Variants in NUP188 observed in about 807,000 individuals in gnomAD.
The protein encoded by NUP188 is nucleoporin 188.
A neutral mutation model predicts 223.0 loss-of-function variants in NUP188; 97 were observed. That is an observed-to-expected ratio of 0.43 (90% CI 0.37 to 0.51). NUP188 has a LOEUF of 0.51. NUP188 is among the 20% of genes least tolerant of loss of function. The probability of loss-of-function intolerance (pLI) is 0.00; values close to 1 mark genes in which losing one functional copy is unlikely to be tolerated. For synonymous variants in NUP188, 869 were observed against 828.0 expected, an observed-to-expected ratio of 1.05 and a Z score of -0.85; for missense variants, 1,947 against 2,175.6, an observed-to-expected ratio of 0.89 and a Z score of 2.09.
At position 128,990,337 on chromosome 9, in the gene NUP188, T is replaced by G. The variant is rs1842398626; in HGVS notation, c.2640+111T>G. The G allele has an allele frequency of 3.3e-5, 29 of 871,848 alleles. 1 individual carries two copies. The South Asian group carries it at 3.9e-4, about 12-fold the overall frequency. 54.0% of individuals were successfully genotyped at this position (871,848 alleles called of 1,614,324 possible). A position where few individuals can be genotyped will look rare whatever the true frequency, so the allele number is the denominator to read the frequency against. On this transcript the variant is annotated intron_variant, in intron 25 of 43. Coordinates refer to ENST00000372577, the MANE Select transcript of NUP188 (RefSeq NM_015354.3). ...CAGCGGCTTAACGCCTGTATATAAT[T>G]CCAGCACTTTGGGAGGCCAAGGTGG... is the stretch of plus-strand genomic sequence containing the variant.
In NUP188 at chr9:128,983,132, G is replaced by A. The variant is rs906702453; in HGVS notation, c.1796+104G>A. ...ACATACCCACTGGGTTAAAGTTCGC[G>A]CATATTCCTTGGTTTTCCTGTTTTT... On this transcript the variant is annotated intron_variant, in intron 17 of 43. Coordinates refer to ENST00000372577, the MANE Select transcript of NUP188 (RefSeq NM_015354.3). 14 of 1,500,866 alleles carry A rather than the reference G, an allele frequency of 9.3e-6. No individual in the cohort carries two copies. In the African/African-American group the frequency reaches 9.7e-5, roughly 10 times the overall value. The allele number at this position is 1,500,866 out of a possible 1,614,324, so 93.0% of individuals were successfully genotyped here.
At position 128,963,561 on chromosome 9, in the gene NUP188, T is replaced by C. The variant is rs1841984289; in HGVS notation, c.585+4427T>C. Among the ~76,000 whole-genome samples the C allele has an allele frequency of 2.0e-5, 3 of 152,164 alleles. No individual in the cohort carries two copies. In the South Asian group the frequency reaches 6.2e-4, roughly 31 times the overall value. On this transcript the variant is annotated intron_variant, in intron 8 of 43. Transcript: ENST00000372577. ...TGTTTATCCATAGTGGCTATACCGT[T>C]TTGCATTCCCACCAGAAATGTATGA... is the stretch of plus-strand genomic sequence containing the variant.
intron 39 of NUP188, 37 bp from the exon 40 acceptor site, chr9:129,005,266 T>C: frequency 6.2e-7 from 1 of 1,613,222 alleles, no homozygotes; most frequent in Non-Finnish European, 8.5e-7. Flanking sequence ...TCACGCTAGC[T>C]TCCCAAGCTC....
At chr9:128,982,845 T>A (rs534159252) in intron 16 of NUP188, 57 bp from the exon 17 acceptor site, 1 of 1,608,846 alleles carries the variant, frequency 6.2e-7, no homozygotes, top group Non-Finnish European at 8.5e-7. Flanking sequence ...TCAGAGACTG[T>A]TCAGTGATCT....
At chr9:128,952,134 T>C (rs1243559673) in intron 2 of NUP188, among the ~76,000 whole-genome samples, 7 of 152,118 alleles carry the variant, frequency 4.6e-5, no homozygotes, top group Non-Finnish European at 1.5e-5. Flanking sequence ...CCGGGCGCAG[T>C]GGCTCACACC....
chr9:128,988,520 GA>G (rs1294652715), intron 24 of NUP188, among the ~76,000 whole-genome samples: 1 of 152,084 alleles, frequency 6.6e-6, no homozygotes, highest in African/African-American at 2.4e-5. Context: ...GTAAAATGGG[GA>G]TAATGGTACA....
At chr9:128,956,764 T>C (rs1047196031) in intron 4 of NUP188, among the ~76,000 whole-genome samples, 188 bp from the exon 5 acceptor site, 1 of 152,186 alleles carries the variant, frequency 6.6e-6, no homozygotes. Flanking sequence ...TTAATTGTAA[T>C]AAAAATTGTA....
At position 128,982,742 on chromosome 9, in the gene NUP188, A is replaced by G. The variant is rs755113537; in HGVS notation, c.1669+41A>G. The G allele has an allele frequency of 2.3e-5, 37 of 1,608,640 alleles. No individual in the cohort carries two copies. The Admixed American group carries it at 3.0e-4, about 13-fold the overall frequency. ...GGAAACATCACCTACGAGGAGGAAA[A>G]GTGGATATGCTTGGAGGATTTAGAA... On this transcript the variant is annotated intron_variant, in intron 16 of 43. Coordinates refer to ENST00000372577, the MANE Select transcript of NUP188 (RefSeq NM_015354.3).
chr9:129,000,969 G>A (rs932537225), intron 34 of NUP188, among the ~76,000 whole-genome samples: 13 of 152,144 alleles, frequency 8.5e-5, no homozygotes, highest in African/African-American at 2.6e-4. Flanking sequence ...ACCCAGGAGC[G>A]GAGGTTGCAG....
chr9:128,965,262 T>G (rs1293800630), intron 8 of NUP188, among the ~76,000 whole-genome samples: 1 of 152,214 alleles, frequency 6.6e-6, no homozygotes, highest in Non-Finnish European at 1.5e-5. Context: ...TATTCAAGTT[T>G]CCTGTTTCTA....
chr9:128,964,616 C>G (rs1842002390), intron 8 of NUP188, among the ~76,000 whole-genome samples: 1 of 146,588 alleles, frequency 6.8e-6, no homozygotes, highest in Non-Finnish European at 1.5e-5. Context: ...AATGATTTAT[C>G]TGCCTTGGCG....
At chr9:128,973,762 A>G (rs192971512) in intron 12 of NUP188, among the ~76,000 whole-genome samples, 10 of 152,346 alleles carry the variant, frequency 6.6e-5, no homozygotes, top group African/African-American at 2.4e-4. Flanking sequence ...AAAAAAGTAT[A>G]GTCCTATCAC....
chr9:128,973,174 T>C lies in NUP188; in HGVS notation c.1128T>C (p.Thr376=), dbSNP rs1842125608. 2 of 1,612,806 alleles carry C rather than the reference T, an allele frequency of 1.2e-6. No individual in the cohort carries two copies. The highest frequency in any genetic ancestry group is 1.7e-6 in the Non-Finnish European group (2 of 1,179,286). ...TGTCATTCCAGTGCACCACCAGCAC[T>C]GCATGCATGTGTGTCTATGGACTGC... ...ASGGNDCTTS[T]ACMCVYGLLS... The change falls in exon 12 of 44, where the codon ACT becomes ACC. Residue 376 remains threonine, a synonymous_variant. Transcript: ENST00000372577.
At chr9:128,967,465 G>A (rs1205817441) in intron 8 of NUP188, among the ~76,000 whole-genome samples, 2 of 152,030 alleles carry the variant, frequency 1.3e-5, no homozygotes, top group East Asian at 1.9e-4. Flanking sequence ...GACCAGCCCT[G>A]GCAACATAGC....
At position 128,995,521 on chromosome 9, in the gene NUP188, C is replaced by A. The variant is rs759789554; in HGVS notation, c.3351+7C>A. On this transcript the variant is annotated splice_region_variant and intron_variant, in intron 30 of 43. Coordinates refer to ENST00000372577, the MANE Select transcript of NUP188 (RefSeq NM_015354.3). ...CATCATTGCCACCACTCATGTAAGA[C>A]CCTTTTGGGGAGAGTTTTCACTTTG... 1.3e-6 allele frequency: 2 copies of A among 1,573,036 alleles called. No homozygotes were observed. The highest frequency in any genetic ancestry group is 2.4e-5 in the South Asian group (2 of 83,274).
At chr9:128,980,494 C>G in intron 13 of NUP188, 112 bp from the exon 14 acceptor site, 1 of 1,041,750 alleles carries the variant, frequency 9.6e-7, no homozygotes, top group Non-Finnish European at 1.4e-6. Context: ...GGGATGATAT[C>G]TGTCTAAAAG....
At chr9:128,981,470 T>C in intron 15 of NUP188, 80 bp downstream of exon 15, 9 of 1,417,050 alleles carry the variant, frequency 6.4e-6, no homozygotes, top group Non-Finnish European at 8.7e-6. Context: ...TGGAGTGCAG[T>C]GGCAAGATCA....
intron 8 of NUP188, 36 bp downstream of exon 8, chr9:128,959,170 T>C (rs1457528616): frequency 2.0e-6 from 3 of 1,506,200 alleles, no homozygotes; most frequent in Non-Finnish European, 2.7e-6. Context: ...AACTTTTTTT[T>C]TTTAAGATGG....
chr9:128,969,640 C>T, intron 10 of NUP188, 126 bp downstream of exon 10: 1 of 550,976 alleles, frequency 1.8e-6, no homozygotes, highest in East Asian at 3.4e-5. Flanking sequence ...AGAGGTTCTA[C>T]AATGTTTTCG....
Sources: allele counts gnomAD v4.1 joint callset (sites outside exome capture counted in the v4.1 genomes callset), GRCh38; gene constraint gnomAD v4.1.1; transcripts MANE v1.5; gene names NCBI Gene and HGNC (gene_info 2026-07-23, HGNC 2026-07-21).